Variants in LAMC3 observed in about 807,000 individuals in gnomAD.
The protein encoded by LAMC3 is laminin subunit gamma 3, also known as laminin subunit gamma-3.
Under a neutral mutation model 173.8 loss-of-function variants are expected in LAMC3, and 128 were observed. The observed-to-expected ratio is 0.74, with a 90% CI of 0.64 to 0.85. The LOEUF is 0.85. LAMC3 is among the 40% of genes least tolerant of loss of function. LAMC3 has a pLI of 0.00. For missense variants in LAMC3, 2,022 were observed against 2,156.0 expected (o/e 0.94, Z 1.23); for synonymous variants, 897 against 909.1 (o/e 0.99, Z 0.24).
At position 131,054,821 on chromosome 9, in the gene LAMC3, AAAG is replaced by A. The variant is rs1449525059; in HGVS notation, c.1939+1863_1939+1865del. Among the ~76,000 whole-genome samples the A allele has an allele frequency of 5.0e-5, 6 of 119,008 alleles. No individual in the cohort carries two copies. The South Asian group carries it at 7.8e-4, about 15-fold the overall frequency. 78.1% of individuals were successfully genotyped at this position (119,008 alleles called of 152,430 possible). A position where few individuals can be genotyped will look rare whatever the true frequency, so the allele number is the denominator to read the frequency against. ...GAGAGAGAGTGAGAGAGAGAGAAAG[AAAG>A]AAGAAGGGAGGGAGGGAGCAAGGGA... On this transcript the variant is annotated intron_variant, in intron 11 of 27. Transcript: ENST00000361069.
chr9:131,009,384 C>T lies in LAMC3; in HGVS notation c.170C>T (p.Pro57Leu), dbSNP rs1232269520. 6 of 1,529,260 alleles carry T rather than the reference C, an allele frequency of 3.9e-6. No individual in the cohort carries two copies. The South Asian group carries it at 6.0e-5, about 15-fold the overall frequency. 94.7% of individuals were successfully genotyped at this position (1,529,260 alleles called of 1,614,324 possible). A position where few individuals can be genotyped will look rare whatever the true frequency, so the allele number is the denominator to read the frequency against. Reference sequence around the variant, plus strand: ...CAGGCCTCGCACACGTGCGGCAGCCCGCCCGAGGACTTCTGTCCCCACGTG... The same window carrying T: ...CAGGCCTCGCACACGTGCGGCAGCCTGCCCGAGGACTTCTGTCCCCACGTG... ...LAQASHTCGSPPEDFCPHVGA... is the reference protein window; with the variant it reads ...LAQASHTCGSLPEDFCPHVGA... Residue 57 changes from proline (P) to leucine (L), a missense_variant, in exon 1 of 28, where the codon CCG (proline) becomes CTG (leucine). Physicochemically the swap from Pro to Leu is moderately conservative, Grantham distance 98. Coordinates refer to ENST00000361069, the MANE Select transcript of LAMC3 (RefSeq NM_006059.4). The surrounding 1 kb of genome is among the most constrained non-coding windows in gnomAD (Gnocchi z 4.3).
At chr9:131,079,000 C>G in intron 22 of LAMC3, 149 bp from the exon 23 acceptor site, 3 of 952,874 alleles carry the variant, frequency 3.1e-6, no homozygotes, top group Non-Finnish European at 4.9e-6. Context: ...ATCAGCTAGG[C>G]TCACCAGGTT....
At chr9:131,072,980 C>A (rs1189406638) in intron 19 of LAMC3, 145 bp downstream of exon 19, 4 of 814,194 alleles carry the variant, frequency 4.9e-6, no homozygotes, top group Non-Finnish European at 6.3e-6. Context: ...TCACACAGTG[C>A]CTCCTCCTGG....
In LAMC3 at chr9:131,049,138, C is replaced by T. The variant is rs1175187084; in HGVS notation, c.1630+8C>T. ...AGGAGCTCACAGCACCAGGTACCTC[C>T]AGCACCAGGTGGGGGCTGGCCGCCC... On this transcript the variant is annotated splice_region_variant and intron_variant, in intron 9 of 27. Transcript: ENST00000361069. The T allele has an allele frequency of 2.0e-6, 3 of 1,515,796 alleles. No homozygotes were observed. The highest frequency in any genetic ancestry group is 2.7e-6 in the Non-Finnish European group (3 of 1,114,220). 93.9% of individuals were successfully genotyped at this position (1,515,796 alleles called of 1,614,324 possible).
intron 1 of LAMC3, among the ~76,000 whole-genome samples, chr9:131,018,049 A>G (rs1398658950): frequency 6.6e-6 from 1 of 152,078 alleles, no homozygotes; most frequent in Non-Finnish European, 1.5e-5. Flanking sequence ...ATACATAAAT[A>G]AAAGAAAGCA....
At chr9:131,077,149 G>A in intron 21 of LAMC3, 38 bp from the exon 22 acceptor site, 1 of 1,611,162 alleles carries the variant, frequency 6.2e-7, no homozygotes, top group Non-Finnish European at 8.5e-7. Flanking sequence ...GGGAGGGCTA[G>A]TTCTGCACCC....
chr9:131,050,960 G>C (rs1175146096), intron 9 of LAMC3, among the ~76,000 whole-genome samples: 1 of 152,148 alleles, frequency 6.6e-6, no homozygotes, highest in East Asian at 1.9e-4. Context: ...ATTGATTCTG[G>C]AGGCCGAATC....
chr9:131,068,890 T>C lies in LAMC3; in HGVS notation c.2748-18T>C. 1 of 1,613,612 alleles carries C rather than the reference T, an allele frequency of 6.2e-7. No individual in the cohort carries two copies. Among genetic ancestry groups the C allele is most frequent in the Non-Finnish European group, 8.5e-7 (1 of 1,179,898 alleles). ...GGCCCTGAGCTTGCCTCAGACCCAG[T>C]TCCTTCCCTGATCACAGCTGCAAGT... On this transcript the variant is annotated intron_variant, in intron 15 of 27. Coordinates refer to ENST00000361069, the MANE Select transcript of LAMC3 (RefSeq NM_006059.4).
chr9:131,056,724 C>T (rs1042045007), intron 11 of LAMC3, among the ~76,000 whole-genome samples: 1 of 151,888 alleles, frequency 6.6e-6, no homozygotes, highest in Non-Finnish European at 1.5e-5. Context: ...GACTAGGAGT[C>T]GAGGCTACAG....
chr9:131,071,702 G>A, intron 18 of LAMC3, 77 bp downstream of exon 18: 2 of 1,441,342 alleles, frequency 1.4e-6, no homozygotes, highest in South Asian at 1.5e-5. Flanking sequence ...GTCGTTGGAT[G>A]CTTTGGGGGC....
intron 13 of LAMC3, among the ~76,000 whole-genome samples, chr9:131,064,947 A>T (rs1479785613): frequency 2.0e-5 from 3 of 150,568 alleles, no homozygotes; most frequent in Non-Finnish European, 1.5e-5. Context: ...AGGCTGAAAC[A>T]GGAGAATCAC....
At chr9:131,054,814 G>C (rs1474411577) in intron 11 of LAMC3, among the ~76,000 whole-genome samples, 1 of 109,896 alleles carries the variant, frequency 9.1e-6, no homozygotes, top group Non-Finnish European at 1.8e-5. Context: ...GTGAGAGAGA[G>C]AGAAAGAAAG....
intron 1 of LAMC3, among the ~76,000 whole-genome samples, chr9:131,011,581 T>G (rs1248679193): frequency 1.4e-5 from 2 of 140,960 alleles, no homozygotes; most frequent in African/African-American, 5.2e-5. Context: ...TCCCTTCTTC[T>G]GGGGCCACGT....
intron 24 of LAMC3, 100 bp from the exon 25 acceptor site, chr9:131,085,424 A>G: frequency 8.3e-7 from 1 of 1,203,742 alleles, no homozygotes; most frequent in Non-Finnish European, 1.2e-6. Flanking sequence ...CTCGTTGTCC[A>G]AGGGTCTGTG....
At chr9:131,024,253 C>T (rs1833681412) in intron 1 of LAMC3, among the ~76,000 whole-genome samples, 1 of 150,530 alleles carries the variant, frequency 6.6e-6, no homozygotes, top group South Asian at 2.1e-4. Context: ...TCAAGCAATT[C>T]TCCTGCCTCA....
intron 15 of LAMC3, among the ~76,000 whole-genome samples, 178 bp from the exon 16 acceptor site, chr9:131,068,730 C>T (rs1261088447): frequency 6.6e-6 from 1 of 152,182 alleles, no homozygotes; most frequent in African/African-American, 2.4e-5. Flanking sequence ...CCCTGAGCAT[C>T]CTGGGAAACT....
rs818055 is a variant in LAMC3, at chr9:131,092,123, A to T, written c.*336A>T. On this transcript the variant is annotated 3_prime_UTR_variant, in exon 28 of 28. Coordinates refer to ENST00000361069, the MANE Select transcript of LAMC3 (RefSeq NM_006059.4). Reference sequence around the variant, plus strand: ...GTGTTCAAGTCTAATCCATCCAGTCAGCAGCTTACGGTCCACACACATTAC... The same window carrying T: ...GTGTTCAAGTCTAATCCATCCAGTCTGCAGCTTACGGTCCACACACATTAC... The T allele has an allele frequency of 7.8e-6, 3 of 383,216 alleles. No homozygotes were observed. Among genetic ancestry groups the T allele is most frequent in the Admixed American group, 7.8e-5 (2 of 25,486 alleles). 23.7% of individuals were successfully genotyped at this position (383,216 alleles called of 1,614,324 possible).
intron 13 of LAMC3, among the ~76,000 whole-genome samples, chr9:131,065,692 G>A (rs190935790): frequency 1.8e-4 from 27 of 152,338 alleles, no homozygotes; most frequent in South Asian, 1.0e-3. Context: ...ACTGTGACCC[G>A]TGTCTGGCCA....
At chr9:131,016,547 G>A (rs1833522059) in intron 1 of LAMC3, among the ~76,000 whole-genome samples, 1 of 152,220 alleles carries the variant, frequency 6.6e-6, no homozygotes, top group Non-Finnish European at 1.5e-5. Flanking sequence ...GGGTCCTAAT[G>A]CATGAAAACA....
Sources: allele counts gnomAD v4.1 joint callset (sites outside exome capture counted in the v4.1 genomes callset), GRCh38; gene constraint gnomAD v4.1.1; non-coding constraint Gnocchi (gnomAD v3.1); transcripts MANE v1.5; gene names NCBI Gene and HGNC (gene_info 2026-07-23, HGNC 2026-07-21).